Variants in PLXNA4 observed in about 807,000 individuals in gnomAD.
The protein encoded by PLXNA4 is plexin A4, also known as plexin-A4.
Under a neutral mutation model 191.8 loss-of-function variants are expected in PLXNA4, and 44 were observed. The observed-to-expected ratio is 0.23, with a 90% CI of 0.18 to 0.29. The LOEUF is 0.29. PLXNA4 is among the 10% of genes least tolerant of loss of function. PLXNA4 has a pLI of 1.00. For synonymous variants in PLXNA4, 1,082 were observed against 1,009.5 expected, an observed-to-expected ratio of 1.07 and a Z score of -1.36; for missense variants, 1,800 against 2,488.8, an observed-to-expected ratio of 0.72 and a Z score of 5.89.
In PLXNA4 at chr7:132,130,424, G is replaced by C; in HGVS notation, c.*55C>G. On this transcript the variant is annotated 3_prime_UTR_variant, in exon 32 of 32. Coordinates refer to ENST00000321063, the MANE Select transcript of PLXNA4 (RefSeq NM_020911.2). ...TGCACTTGGTAAAGATGATAATCTA[G>C]ACTGAGGCACGGCTTGGTGTGTCCC... 6.2e-7 allele frequency: 1 copy of C among 1,613,202 alleles called. No homozygotes were observed. Among genetic ancestry groups the C allele is most frequent in the Admixed American group, 1.7e-5 (1 of 59,990 alleles).
At chr7:132,317,944 GCA>G (rs1802010397) in intron 3 of PLXNA4, among the ~76,000 whole-genome samples, 1 of 152,210 alleles carries the variant, frequency 6.6e-6, no homozygotes. Flanking sequence ...GGCCAGGCAG[GCA>G]CAGTTTGCAG....
intron 14 of PLXNA4, among the ~76,000 whole-genome samples, chr7:132,189,014 G>GGAAAGGAAA (rs1562909024): frequency 3.6e-5 from 3 of 83,036 alleles, no homozygotes; most frequent in Admixed American, 1.2e-4. Context: ...GAGAGAGAGA[G>GGAAAGGAAA]AGAGAGAGAG....
chr7:132,132,741 C>T lies in PLXNA4; in HGVS notation c.5589+308G>A, dbSNP rs147161096. On this transcript the variant is annotated intron_variant, in intron 31 of 31. Transcript: ENST00000321063. ...GGTGCCTGTTTAAAGAGAGTTAGATCAGAGAAAGATGTGGAAAACATAAAA... is the reference window on the plus strand; with the variant it reads ...GGTGCCTGTTTAAAGAGAGTTAGATTAGAGAAAGATGTGGAAAACATAAAA... Among the ~76,000 whole-genome samples, 253 of 151,744 alleles carry T rather than the reference C, an allele frequency of 1.7e-3. 2 individuals carry two copies. The highest frequency in any genetic ancestry group is 6.0e-3 in the African/African-American group (247 of 41,314).
intron 3 of PLXNA4, among the ~76,000 whole-genome samples, chr7:132,325,147 C>G (rs1802310025): frequency 6.6e-6 from 1 of 152,150 alleles, no homozygotes; most frequent in South Asian, 2.1e-4. Context: ...AGAAAGAAAC[C>G]CTCATTCTGT....
chr7:132,357,107 C>T (rs546466389), intron 3 of PLXNA4, among the ~76,000 whole-genome samples: 1 of 152,292 alleles, frequency 6.6e-6, no homozygotes, highest in Non-Finnish European at 1.5e-5. Flanking sequence ...AGAGTCTCTT[C>T]CAGACCCAAA....
Position 132,185,714 on chromosome 7 carries a change from T to C in PLXNA4, c.2994-251A>G, listed in dbSNP as rs552547905. Among the ~76,000 whole-genome samples the C allele has an allele frequency of 2.6e-5, 4 of 152,328 alleles. No individual in the cohort carries two copies. The South Asian group carries it at 8.3e-4, about 32-fold the overall frequency. On this transcript the variant is annotated intron_variant, in intron 15 of 31. Coordinates refer to ENST00000321063, the MANE Select transcript of PLXNA4 (RefSeq NM_020911.2). ...TCTTTGGCCTGTCTAGCCTTGTTTT[T>C]TAGCAAGAATCTGGCTAAGTCTATT... is the stretch of plus-strand genomic sequence containing the variant.
intron 2 of PLXNA4, among the ~76,000 whole-genome samples, chr7:132,628,511 T>C (rs1307495296): frequency 6.6e-6 from 1 of 152,166 alleles, no homozygotes; most frequent in East Asian, 1.9e-4. Flanking sequence ...ACTTATATTC[T>C]TTGAACATGT....
At chr7:132,433,693 C>A (rs1342357183) in intron 3 of PLXNA4, among the ~76,000 whole-genome samples, 1 of 152,060 alleles carries the variant, frequency 6.6e-6, no homozygotes, top group Non-Finnish European at 1.5e-5. Context: ...AAGGAGAGGC[C>A]CCAAACAGAA....
intron 20 of PLXNA4, among the ~76,000 whole-genome samples, chr7:132,178,857 C>T (rs1178268016): frequency 7.1e-6 from 1 of 140,682 alleles, no homozygotes; most frequent in Admixed American, 6.9e-5. Flanking sequence ...CACACACACA[C>T]ACACACACAC....
chr7:132,599,039 A>T (rs1298473243), intron 2 of PLXNA4, among the ~76,000 whole-genome samples: 1 of 152,160 alleles, frequency 6.6e-6, no homozygotes, highest in African/African-American at 2.4e-5. Context: ...TCTTTCCCTC[A>T]TTAATTCATA....
At chr7:132,457,220 C>T (rs754480308) in intron 3 of PLXNA4, among the ~76,000 whole-genome samples, 7 of 152,136 alleles carry the variant, frequency 4.6e-5, no homozygotes, top group Non-Finnish European at 8.8e-5. Context: ...AAACTGTAGC[C>T]TTATATTTGG....
intron 3 of PLXNA4, among the ~76,000 whole-genome samples, chr7:132,456,859 C>T (rs999448035): frequency 5.3e-5 from 8 of 152,300 alleles, no homozygotes; most frequent in South Asian, 2.1e-4. Context: ...TAGAGATAAC[C>T]GACACCATCT....
chr7:132,434,588 G>A lies in PLXNA4; in HGVS notation c.1371+54704C>T, dbSNP rs115237789. Among the ~76,000 whole-genome samples the A allele has an allele frequency of 5.6e-3, 846 of 152,250 alleles. 6 individuals are homozygous for A. The highest frequency in any genetic ancestry group is 0.019 in the African/African-American group (773 of 41,534). ...CTATTGCTTTCTTTGTATAATACTTGCTTCTTTCCAAGGAGCTTGCCATCT... is the reference window on the plus strand; with the variant it reads ...CTATTGCTTTCTTTGTATAATACTTACTTCTTTCCAAGGAGCTTGCCATCT... On this transcript the variant is annotated intron_variant, in intron 3 of 31. Coordinates refer to ENST00000321063, the MANE Select transcript of PLXNA4 (RefSeq NM_020911.2).
chr7:132,458,694 A>G (rs1796394046), intron 3 of PLXNA4, among the ~76,000 whole-genome samples: 1 of 151,790 alleles, frequency 6.6e-6, no homozygotes, highest in African/African-American at 2.4e-5. Flanking sequence ...GGGGCATGGG[A>G]ATGTTCTATT....
intron 1 of PLXNA4, among the ~76,000 whole-genome samples, chr7:132,571,595 T>C (rs1374650950): frequency 1.3e-5 from 2 of 152,230 alleles, no homozygotes; most frequent in East Asian, 1.9e-4. Flanking sequence ...GAAAAAACCA[T>C]CCATCCCTTA....
At chr7:132,153,763 G>A (rs1795712629) in intron 25 of PLXNA4, among the ~76,000 whole-genome samples, 1 of 152,200 alleles carries the variant, frequency 6.6e-6, no homozygotes, top group Non-Finnish European at 1.5e-5. Context: ...TCCCCAGGGT[G>A]CACAGCACCT....
At chr7:132,597,104 C>T (rs542023953) in intron 2 of PLXNA4, among the ~76,000 whole-genome samples, 2 of 152,160 alleles carry the variant, frequency 1.3e-5, no homozygotes, top group Non-Finnish European at 2.9e-5. Context: ...GTCACCAGCC[C>T]GGTGCTATGG....
intron 4 of PLXNA4, among the ~76,000 whole-genome samples, chr7:132,254,473 A>C (rs1562993750): frequency 6.6e-6 from 1 of 152,202 alleles, no homozygotes; most frequent in Non-Finnish European, 1.5e-5. Flanking sequence ...TGGCTCAGCC[A>C]CTTATCAAAA....
rs539463423 is a variant in PLXNA4, at chr7:132,454,312, G to C, written c.1371+34980C>G. Among the ~76,000 whole-genome samples the C allele has an allele frequency of 4.6e-5, 7 of 152,232 alleles. No homozygotes were observed. In the South Asian group the frequency reaches 1.5e-3, roughly 32 times the overall value. On this transcript the variant is annotated intron_variant, in intron 3 of 31. Transcript: ENST00000321063. ...GCCTCATCTCAAAGTTCTTGTTCCTGCTTCTGCATTGCCTTCTTAAGAACA... is the reference window on the plus strand; with the variant it reads ...GCCTCATCTCAAAGTTCTTGTTCCTCCTTCTGCATTGCCTTCTTAAGAACA...
Sources: allele counts gnomAD v4.1 joint callset (sites outside exome capture counted in the v4.1 genomes callset), GRCh38; gene constraint gnomAD v4.1.1; transcripts MANE v1.5; gene names NCBI Gene and HGNC (gene_info 2026-07-23, HGNC 2026-07-21).